ODAD3: variants seen among roughly 807,000 people sequenced by gnomAD.
ODAD3 encodes the protein outer dynein arm docking complex subunit 3.
ODAD3 carries 57 observed loss-of-function variants against 70.9 expected under a neutral mutation model. That is an observed-to-expected ratio of 0.80 (90% CI 0.65 to 1.00). The LOEUF is 1.00. ODAD3 is among the 50% of genes least tolerant of loss of function. The pLI is 0.00. For synonymous variants in ODAD3, 327 were observed against 315.9 expected, an observed-to-expected ratio of 1.04 and a Z score of -0.37; for missense variants, 797 against 763.9, an observed-to-expected ratio of 1.04 and a Z score of -0.51.
intron 3 of ODAD3, among the ~76,000 whole-genome samples, chr19:11,427,761 C>T (rs1440204927): frequency 6.6e-6 from 1 of 151,576 alleles, no homozygotes; most frequent in Non-Finnish European, 1.5e-5. Flanking sequence ...GGATTACAGA[C>T]GTGAGCCACC....
chr19:11,425,005 ATATATGTG>A (rs1241001203), intron 7 of ODAD3, among the ~76,000 whole-genome samples: 2 of 128,690 alleles, frequency 1.6e-5, no homozygotes, highest in Non-Finnish European at 3.1e-5. Flanking sequence ...GTGTATATGT[ATATATGTG>A]TATATATACA....
chr19:11,423,008 G>T (rs1277831793), intron 8 of ODAD3, 147 bp from the exon 9 acceptor site: 9 of 875,844 alleles, frequency 1.0e-5, no homozygotes, highest in Middle Eastern at 3.5e-4. Context: ...GGACACTGTG[G>T]GTTGGACGCA....
chr19:11,426,724 G>A lies in ODAD3; in HGVS notation c.673C>T (p.His225Tyr). Residue 225 changes from histidine to tyrosine, a missense_variant, in exon 5 of 13, where the codon CAC (histidine) becomes TAC (tyrosine). His to Tyr is a moderately conservative substitution (Grantham distance 83). Coordinates refer to ENST00000356392, the MANE Select transcript of ODAD3 (RefSeq NM_145045.5). ...AGCTGCAGGTACACGCTGGTAATGT[G>A]CTCGGCCTCCTGCGCCTTCATCTGG... ...KAQMKAQEAEHITSVYLQLKA... is the reference protein window; with the variant it reads ...KAQMKAQEAEYITSVYLQLKA... The A allele has an allele frequency of 6.2e-7, 1 of 1,613,868 alleles. No individual in the cohort carries two copies. Among genetic ancestry groups the A allele is most frequent in the African/African-American group, 1.3e-5 (1 of 75,006 alleles).
chr19:11,433,537 C>T (rs981808393), intron 1 of ODAD3, among the ~76,000 whole-genome samples: 3 of 152,342 alleles, frequency 2.0e-5, no homozygotes, highest in Middle Eastern at 3.4e-3. Context: ...TTTCACACAT[C>T]GAGAAACTGA....
At chr19:11,425,202 TG>T (rs1318899228) in intron 7 of ODAD3, among the ~76,000 whole-genome samples, 1 of 140,026 alleles carries the variant, frequency 7.1e-6, no homozygotes, top group Non-Finnish European at 1.5e-5. Flanking sequence ...CATATGTGTA[TG>T]TGTACATATG....
chr19:11,424,982 T>C (rs917082866), intron 7 of ODAD3, among the ~76,000 whole-genome samples: 1 of 132,354 alleles, frequency 7.6e-6, no homozygotes, highest in Non-Finnish European at 1.6e-5. Flanking sequence ...TATATATGTG[T>C]ATATGTACAT....
intron 7 of ODAD3, 148 bp from the exon 8 acceptor site, chr19:11,424,177 G>C: frequency 2.0e-6 from 2 of 1,005,584 alleles, no homozygotes; most frequent in Non-Finnish European, 2.9e-6. Flanking sequence ...GCCAGATAAA[G>C]GCACCCGGGC....
chr19:11,425,134 T>G (rs1599457556), intron 7 of ODAD3, among the ~76,000 whole-genome samples: 1 of 128,754 alleles, frequency 7.8e-6, no homozygotes, highest in Non-Finnish European at 1.5e-5. Context: ...TATGTGTATA[T>G]GTGTATATGT....
chr19:11,425,367 G>GTACATATA (rs1969312721), intron 7 of ODAD3, among the ~76,000 whole-genome samples: 1 of 121,390 alleles, frequency 8.2e-6, no homozygotes, highest in African/African-American at 3.2e-5. Flanking sequence ...ATGTACATAT[G>GTACATATA]TGTATATATG....
At chr19:11,435,310 G>A, upstream of ODAD3, 5 of 795,544 alleles carry the variant, frequency 6.3e-6, no homozygotes, top group Non-Finnish European at 9.2e-6. Context: ...CAGGACGGAG[G>A]GTCTGGACAC....
chr19:11,435,303 G>C, upstream of ODAD3: 1 of 884,338 alleles, frequency 1.1e-6, no homozygotes, highest in South Asian at 1.9e-5. Flanking sequence ...CGCGCCGCAG[G>C]ACGGAGGGTC....
At chr19:11,423,357 C>T (rs529315516) in intron 8 of ODAD3, among the ~76,000 whole-genome samples, 6 of 152,248 alleles carry the variant, frequency 3.9e-5, no homozygotes, top group African/African-American at 1.4e-4. Context: ...TGGCGGACAC[C>T]CAGAGGGGAG....
At position 11,426,462 on chromosome 19, in the gene ODAD3, G is replaced by A. The variant is rs1428669048; in HGVS notation, c.824C>T (p.Ala275Val). The change falls in exon 6 of 13, where the codon GCC becomes GTC. Residue 275 changes from alanine (A) to valine (V), a missense_variant. Coordinates refer to ENST00000356392, the MANE Select transcript of ODAD3 (RefSeq NM_145045.5). ...GGGTGGCACCTTGGCAATGTCCCGG[G>A]CATTGAGGGCCTCTTGGTTCACCAC... ...LHVVNQEALN[A>V]RDIAKNQLQY... is the part of the protein sequence containing the mutation. The A allele has an allele frequency of 1.9e-6, 3 of 1,614,064 alleles. No individual in the cohort carries two copies. Among genetic ancestry groups the A allele is most frequent in the African/African-American group, 2.7e-5 (2 of 75,018 alleles).
At position 11,434,925 on chromosome 19, in the gene ODAD3, T is replaced by C. The variant is rs979729796; in HGVS notation, c.92A>G (p.Glu31Gly). The C allele has an allele frequency of 2.8e-5, 45 of 1,613,938 alleles. No homozygotes were observed. Among genetic ancestry groups the C allele is most frequent in the Non-Finnish European group, 3.4e-5 (40 of 1,180,034 alleles). Reference protein sequence around the residue: ...STPSSRVKGREASGKPSHLRG... With the variant: ...STPSSRVKGRGASGKPSHLRG... ...GAGGTGGCTGGGTTTGCCCGAAGCC[T>C]CCCTGCCCTTGACCCTGGAAGAGGG... is the stretch of plus-strand genomic sequence containing the variant. Residue 31 changes from glutamate to glycine, a missense_variant, in exon 1 of 13, where the codon GAG (glutamate) becomes GGG (glycine). Glu to Gly is a moderately conservative substitution (Grantham distance 98, BLOSUM62 -2). Transcript: ENST00000356392.
chr19:11,429,431 G>A (rs539089261), intron 3 of ODAD3, among the ~76,000 whole-genome samples: 49 of 151,632 alleles, frequency 3.2e-4, no homozygotes, highest in Middle Eastern at 6.9e-3. Context: ...TTATTTTTGA[G>A]ACAGAGTCTC....
At chr19:11,428,132 C>T (rs867461573) in intron 3 of ODAD3, among the ~76,000 whole-genome samples, 6 of 151,912 alleles carry the variant, frequency 3.9e-5, no homozygotes, top group East Asian at 3.9e-4. Flanking sequence ...GGCAGGGTCT[C>T]GCTATGTGGC....
At chr19:11,425,306 TGTGTAC>T (rs1969302136) in intron 7 of ODAD3, among the ~76,000 whole-genome samples, 2 of 127,962 alleles carry the variant, frequency 1.6e-5, no homozygotes, top group African/African-American at 3.4e-5. Context: ...TATATGTGTA[TGTGTAC>T]ATATGTGTAT....
upstream of ODAD3, chr19:11,435,725 G>T: frequency 7.5e-7 from 1 of 1,336,422 alleles, no homozygotes; most frequent in Non-Finnish European, 9.8e-7. Flanking sequence ...GAACGAGCGG[G>T]TGGGAGGGCA....
intron 7 of ODAD3, among the ~76,000 whole-genome samples, 196 bp downstream of exon 7, chr19:11,425,948 A>AGGAGG: frequency 8.5e-6 from 1 of 117,306 alleles, no homozygotes; most frequent in African/African-American, 3.2e-5. Flanking sequence ...GCAGTCGCTT[A>AGGAGG]GGAGGGGAGG....
Sources: gnomAD v4.1 joint callset for allele counts (sites outside exome capture counted in the v4.1 genomes callset) on GRCh38, gnomAD v4.1.1 for gene constraint, MANE v1.5 for transcripts, NCBI Gene and HGNC (gene_info 2026-07-23, HGNC 2026-07-21) for gene names.